The following PCSK2 variants were observed in gnomAD, a reference collection of about 807,000 sequenced individuals.
PCSK2 encodes the protein neuroendocrine convertase 2.
A neutral mutation model predicts 69.7 loss-of-function variants in PCSK2; 14 were observed. The observed-to-expected ratio is 0.20, with a 90% CI of 0.13 to 0.31. The LOEUF is 0.31. Among genes scored for constraint, PCSK2 ranks in the 10% least tolerant of loss-of-function variants. The probability of loss-of-function intolerance (pLI) is 1.00; values close to 1 mark genes in which losing one functional copy is unlikely to be tolerated. For missense variants in PCSK2, 544 were observed against 842.5 expected, an observed-to-expected ratio of 0.65 and a Z score of 4.39; for synonymous variants, 307 against 320.7, an observed-to-expected ratio of 0.96 and a Z score of 0.46.
At chr20:17,268,037 A>G (rs1250529278) in intron 2 of PCSK2, among the ~76,000 whole-genome samples, 16 of 30,026 alleles carry the variant, frequency 5.3e-4, no homozygotes, top group Admixed American at 8.3e-4. Flanking sequence ...CAATGTGTAT[A>G]TATATATATA....
At chr20:17,478,442 T>C (rs1671322756) in intron 11 of PCSK2, among the ~76,000 whole-genome samples, 1 of 152,222 alleles carries the variant, frequency 6.6e-6, no homozygotes, top group Non-Finnish European at 1.5e-5. Context: ...TAATTTTGTT[T>C]AACTAGGAAA....
chr20:17,332,413 C>A (rs1990229217), intron 2 of PCSK2, among the ~76,000 whole-genome samples: 1 of 152,182 alleles, frequency 6.6e-6, no homozygotes, highest in South Asian at 2.1e-4. Flanking sequence ...CCCTGATAGC[C>A]ACCTCTATCA....
intron 2 of PCSK2, among the ~76,000 whole-genome samples, chr20:17,275,197 C>T (rs1443057856): frequency 6.6e-6 from 1 of 151,022 alleles, no homozygotes; most frequent in East Asian, 2.0e-4. Context: ...GAAATCAATG[C>T]ATTTGAAAAG....
At chr20:17,481,551 G>T in intron 11 of PCSK2, 33 bp from the exon 12 acceptor site, 1 of 1,599,350 alleles carries the variant, frequency 6.3e-7, no homozygotes, top group Non-Finnish European at 8.5e-7. Context: ...ACCCACCACT[G>T]CTTATCCTAT....
intron 2 of PCSK2, among the ~76,000 whole-genome samples, chr20:17,356,250 C>T (rs1181115667): frequency 2.0e-5 from 3 of 152,046 alleles, no homozygotes; most frequent in Non-Finnish European, 2.9e-5. Flanking sequence ...CCCATCTATC[C>T]CATTTTTCTA....
At chr20:17,294,033 T>A (rs1205619256) in intron 2 of PCSK2, among the ~76,000 whole-genome samples, 1 of 152,040 alleles carries the variant, frequency 6.6e-6, no homozygotes, top group African/African-American at 2.4e-5. Flanking sequence ...ATTTACATGT[T>A]CCTTGAACGT....
chr20:17,278,655 G>A (rs6080620), intron 2 of PCSK2, among the ~76,000 whole-genome samples: 31,907 of 151,892 alleles, frequency 0.21, 3,823 homozygotes, highest in Middle Eastern at 0.3. Context: ...CACCAACATG[G>A]CACATGTATA....
chr20:17,283,798 C>T (rs1256904547), intron 2 of PCSK2, among the ~76,000 whole-genome samples: 3 of 152,206 alleles, frequency 2.0e-5, no homozygotes, highest in Admixed American at 1.3e-4. Context: ...ACGTTGCTTA[C>T]CCTACCTACC....
At chr20:17,261,546 C>A (rs1284363655) in intron 2 of PCSK2, among the ~76,000 whole-genome samples, 5 of 152,326 alleles carry the variant, frequency 3.3e-5, no homozygotes, top group Non-Finnish European at 5.9e-5. Flanking sequence ...TTTGCAGTAA[C>A]AATTAAGCTG....
chr20:17,358,358 A>C lies in PCSK2; in HGVS notation c.314A>C (p.Asp105Ala). 6.2e-7 allele frequency: 1 copy of C among 1,612,214 alleles called. No homozygotes were observed. Residue 105 changes from aspartate (D) to alanine (A), a missense_variant, in exon 3 of 12, where the codon GAC becomes GCC. Transcript: ENST00000262545. ...ATGGCTTTGCAGCAGGAAGGATTTGACCGAAAAAAGCGAGGTTACAGAGAC... is the reference window on the plus strand; with the variant it reads ...ATGGCTTTGCAGCAGGAAGGATTTGCCCGAAAAAAGCGAGGTTACAGAGAC... Reference protein sequence around the residue: ...VKMALQQEGFDRKKRGYRDIN... With the variant: ...VKMALQQEGFARKKRGYRDIN...
At chr20:17,431,678 T>C (rs991289423) in intron 7 of PCSK2, among the ~76,000 whole-genome samples, 1 of 152,210 alleles carries the variant, frequency 6.6e-6, no homozygotes, top group Non-Finnish European at 1.5e-5. Flanking sequence ...TCCAGTCCCA[T>C]GCCTGTGCCT....
At chr20:17,409,097 C>G (rs1329229067) in intron 5 of PCSK2, among the ~76,000 whole-genome samples, 166 bp from the exon 6 acceptor site, 1 of 152,110 alleles carries the variant, frequency 6.6e-6, no homozygotes, top group East Asian at 1.9e-4. Flanking sequence ...GATGGAAAAC[C>G]CCAAAGACAT....
rs183918640 is a variant in PCSK2, at chr20:17,319,968, G to T, written c.283-38359G>T. Among the ~76,000 whole-genome samples the T allele has an allele frequency of 4.1e-3, 628 of 152,196 alleles. 5 individuals are homozygous for T. The highest frequency in any genetic ancestry group is 0.02 in the Middle Eastern group (6 of 294). ...TATAGTAGTTTCACTTAATTTTTAG[G>T]ATAGGAAAATTTATTTATAAGGGGA... On this transcript the variant is annotated intron_variant, in intron 2 of 11. Transcript: ENST00000262545.
chr20:17,264,111 C>T (rs187175490), intron 2 of PCSK2, among the ~76,000 whole-genome samples: 3 of 152,178 alleles, frequency 2.0e-5, no homozygotes, highest in Admixed American at 1.3e-4. Flanking sequence ...TATTTGCTTC[C>T]CAGCTCTGTC....
At chr20:17,428,406 A>ATGTG (rs3076116) in intron 6 of PCSK2, among the ~76,000 whole-genome samples, 128 of 151,160 alleles carry the variant, frequency 8.5e-4, no homozygotes, top group Middle Eastern at 3.4e-3. Flanking sequence ...GAGAAAGAAA[A>ATGTG]TGTGTGTGTG....
intron 11 of PCSK2, among the ~76,000 whole-genome samples, chr20:17,476,210 A>G (rs2033286475): frequency 1.3e-5 from 2 of 152,246 alleles, no homozygotes; most frequent in African/African-American, 4.8e-5. Flanking sequence ...TGAGCCGGGA[A>G]AAAACTGAAT....
intron 2 of PCSK2, among the ~76,000 whole-genome samples, chr20:17,303,334 T>C (rs986264383): frequency 2.2e-5 from 3 of 133,744 alleles, no homozygotes; most frequent in Non-Finnish European, 3.1e-5. Flanking sequence ...ATCTATTACA[T>C]ATAATATATA....
chr20:17,469,714 A>T (rs2033167877), intron 11 of PCSK2, among the ~76,000 whole-genome samples: 1 of 152,100 alleles, frequency 6.6e-6, no homozygotes, highest in African/African-American at 2.4e-5. Flanking sequence ...CCCTACTGTG[A>T]GCTCACAGTG....
chr20:17,475,937 G>A (rs1214159416), intron 11 of PCSK2, among the ~76,000 whole-genome samples: 2 of 152,250 alleles, frequency 1.3e-5, no homozygotes, highest in East Asian at 3.9e-4. Context: ...AGAACTCAGA[G>A]CCAGGGTCTC....
Sources: gnomAD v4.1 joint callset for allele counts (sites outside exome capture counted in the v4.1 genomes callset) on GRCh38, gnomAD v4.1.1 for gene constraint, MANE v1.5 for transcripts, NCBI Gene and HGNC (gene_info 2026-07-23, HGNC 2026-07-21) for gene names.